Variants in ALK observed in about 807,000 individuals in gnomAD.
ALK encodes ALK receptor tyrosine kinase.
Under a neutral mutation model 163.1 loss-of-function variants are expected in ALK, and 74 were observed. The ratio of observed to expected loss-of-function variants is 0.45; its 90% CI spans 0.38 to 0.55. ALK has a LOEUF of 0.55. Ranked by LOEUF, ALK falls within the 20% of genes least tolerant of loss-of-function variation. The probability of loss-of-function intolerance (pLI) is 0.00; values close to 1 mark genes in which losing one functional copy is unlikely to be tolerated. For synonymous variants in ALK, 960 were observed against 843.2 expected (o/e 1.14, Z -2.40); for missense variants, 2,063 against 2,105.3 (o/e 0.98, Z 0.39).
chr2:29,373,138 C>G (rs1420889266), intron 5 of ALK, among the ~76,000 whole-genome samples: 2 of 152,012 alleles, frequency 1.3e-5, no homozygotes, highest in African/African-American at 4.8e-5. Flanking sequence ...GTCCCATTAC[C>G]CAAAACAATA....
chr2:29,469,730 A>G (rs1410504803), intron 4 of ALK, among the ~76,000 whole-genome samples: 1 of 152,192 alleles, frequency 6.6e-6, no homozygotes, highest in Non-Finnish European at 1.5e-5. Context: ...CTATGCAGTC[A>G]TTTAGTCATT....
chr2:29,876,424 GTGATGGTGATGGTAGTGGTGAGGA>G (rs1438646062), intron 1 of ALK, among the ~76,000 whole-genome samples: 3 of 147,988 alleles, frequency 2.0e-5, no homozygotes, highest in Non-Finnish European at 4.5e-5. Flanking sequence ...ATGTGGTGTG[GTGATGGTGATGGTAGTGGTGAGGA>G]TGATGGTGAT....
chr2:29,586,032 C>T (rs948121826), intron 3 of ALK, among the ~76,000 whole-genome samples: 2 of 152,210 alleles, frequency 1.3e-5, no homozygotes, highest in East Asian at 1.9e-4. Flanking sequence ...AAAAGCATGC[C>T]TATTTCATCA....
At chr2:29,217,301 G>A (rs1175909577) in intron 23 of ALK, among the ~76,000 whole-genome samples, 1 of 148,520 alleles carries the variant, frequency 6.7e-6, no homozygotes, top group Non-Finnish European at 1.5e-5. Flanking sequence ...TGTGTGTGAT[G>A]TGTGTATATA....
chr2:29,648,568 A>G (rs907986304), intron 3 of ALK, among the ~76,000 whole-genome samples: 3 of 152,042 alleles, frequency 2.0e-5, no homozygotes, highest in African/African-American at 4.8e-5. Context: ...TGTGAATTTG[A>G]CTACTCTAGG....
chr2:29,409,448 C>T (rs1669674649), intron 4 of ALK, among the ~76,000 whole-genome samples: 2 of 152,174 alleles, frequency 1.3e-5, no homozygotes, highest in African/African-American at 2.4e-5. Flanking sequence ...GGCACTGTTT[C>T]CTGCCACTCG....
chr2:29,546,012 G>A (rs761126620), intron 3 of ALK, among the ~76,000 whole-genome samples: 17 of 152,212 alleles, frequency 1.1e-4, no homozygotes, highest in Non-Finnish European at 2.1e-4. Context: ...TCATGTGTGT[G>A]TGTAGTAAAA....
intron 3 of ALK, among the ~76,000 whole-genome samples, chr2:29,651,097 C>G (rs1005982272): frequency 1.3e-5 from 2 of 152,052 alleles, no homozygotes; most frequent in Admixed American, 1.3e-4. Flanking sequence ...TCTCAGCCCC[C>G]TCTATGACAA....
At chr2:29,841,918 T>C (rs1396022005) in intron 1 of ALK, among the ~76,000 whole-genome samples, 2 of 152,154 alleles carry the variant, frequency 1.3e-5, no homozygotes, top group East Asian at 3.9e-4. Context: ...ACCCCAGCCA[T>C]GGTACACAGT....
rs754214919 is a variant in ALK, at chr2:29,193,274, C to T, written c.4813G>A (p.Glu1605Lys). The T allele has an allele frequency of 6.2e-6, 10 of 1,614,010 alleles. No individual in the cohort carries two copies. The highest frequency in any genetic ancestry group is 5.3e-5 in the African/African-American group (4 of 74,910). ...AATAPGAGHY[E>K]DTILKSKNSM... ...TTCTTGCTTTTCAGAATGGTATCCT[C>T]GTAATGACCAGCTCCAGGGGCAGTA... Residue 1605 changes from glutamate to lysine, a missense_variant, in exon 29 of 29, where the codon GAG becomes AAG. Transcript: ENST00000389048.
At chr2:29,863,102 C>T (rs1666337950) in intron 1 of ALK, among the ~76,000 whole-genome samples, 1 of 152,126 alleles carries the variant, frequency 6.6e-6, no homozygotes, top group Non-Finnish European at 1.5e-5. Flanking sequence ...GCCCCATATA[C>T]AAAAATCAAC....
intron 1 of ALK, among the ~76,000 whole-genome samples, chr2:29,885,757 T>C (rs1666970658): frequency 6.6e-6 from 1 of 152,028 alleles, no homozygotes; most frequent in Admixed American, 6.6e-5. Flanking sequence ...CAGTAGACAA[T>C]CCAGAAAAAG....
intron 4 of ALK, among the ~76,000 whole-genome samples, chr2:29,456,460 C>CA (rs1289055636): frequency 6.6e-6 from 1 of 151,952 alleles, no homozygotes; most frequent in Non-Finnish European, 1.5e-5. Context: ...AAGCCAGTCA[C>CA]AAAAAGACAA....
At chr2:29,546,084 A>G (rs896316161) in intron 3 of ALK, among the ~76,000 whole-genome samples, 1 of 152,236 alleles carries the variant, frequency 6.6e-6, no homozygotes, top group African/African-American at 2.4e-5. Context: ...ATAAACATAC[A>G]CATATGTACG....
intron 23 of ALK, among the ~76,000 whole-genome samples, chr2:29,217,198 TTTGTG>T (rs1669661680): frequency 6.7e-6 from 1 of 148,402 alleles, no homozygotes; most frequent in Non-Finnish European, 1.5e-5. Flanking sequence ...TGTGTGGTGT[TTTGTG>T]TGTGTTGCAT....
intron 1 of ALK, among the ~76,000 whole-genome samples, chr2:29,739,850 G>C (rs1247402959): frequency 6.6e-6 from 1 of 152,036 alleles, no homozygotes; most frequent in African/African-American, 2.4e-5. Flanking sequence ...GGCAAGCATG[G>C]GTTTTGACTC....
intron 4 of ALK, among the ~76,000 whole-genome samples, chr2:29,390,299 G>A (rs1669132749): frequency 6.6e-6 from 1 of 152,064 alleles, no homozygotes; most frequent in Non-Finnish European, 1.5e-5. Flanking sequence ...CTCCTAGCTG[G>A]GATGCCCAAA....
At chr2:29,319,872 A>C (rs1295158719) in intron 7 of ALK, among the ~76,000 whole-genome samples, 2 of 152,266 alleles carry the variant, frequency 1.3e-5, no homozygotes, top group Non-Finnish European at 2.9e-5. Context: ...TGTTCAACAA[A>C]TAAGCATTGG....
intron 23 of ALK, among the ~76,000 whole-genome samples, chr2:29,215,600 C>T (rs981326656): frequency 3.3e-5 from 5 of 152,162 alleles, no homozygotes; most frequent in African/African-American, 4.8e-5. Context: ...CAAAGCTGCC[C>T]GGAGATGGGC....
Sources: gnomAD v4.1 joint callset for allele counts (sites outside exome capture counted in the v4.1 genomes callset) on GRCh38, gnomAD v4.1.1 for gene constraint, MANE v1.5 for transcripts, NCBI Gene and HGNC (gene_info 2026-07-23, HGNC 2026-07-21) for gene names.